The following CHODL variants were observed in gnomAD, a reference collection of about 807,000 sequenced individuals.
CHODL encodes transmembrane protein MT75.
A neutral mutation model predicts 34.5 loss-of-function variants in CHODL; 29 were observed. That is an observed-to-expected ratio of 0.84 (90% confidence interval 0.63 to 1.15). The LOEUF (loss-of-function observed/expected upper bound fraction) is 1.15, where lower values mean the gene tolerates loss of function less well. Among genes scored for constraint, CHODL ranks in the 50% most tolerant of loss-of-function variants. CHODL has a pLI of 0.00. For synonymous variants in CHODL, 125 were observed against 116.1 expected, an observed-to-expected ratio of 1.08 and a Z score of -0.49; for missense variants, 332 against 332.5, an observed-to-expected ratio of 1.00 and a Z score of 0.01.
At position 17,920,655 on chromosome 21, in the gene CHODL, C is replaced by T. The variant is rs115555782; in HGVS notation, c.-145+3255C>T. ...AGAAAATACATTTACATTTTTGAGACGGTGCTTGGCAGATAGCACATGCTC... is the reference window on the plus strand; with the variant it reads ...AGAAAATACATTTACATTTTTGAGATGGTGCTTGGCAGATAGCACATGCTC... On this transcript the variant is annotated intron_variant, in intron 1 of 6. Transcript: ENST00000400127. Among the ~76,000 whole-genome samples the T allele has an allele frequency of 8.1e-3, 1,229 of 152,244 alleles. 19 individuals carry two copies. The highest frequency in any genetic ancestry group is 0.027 in the African/African-American group (1,126 of 41,546).
At chr21:18,057,998 G>T (rs948768602) in intron 2 of CHODL, among the ~76,000 whole-genome samples, 1 of 151,856 alleles carries the variant, frequency 6.6e-6, no homozygotes, top group African/African-American at 2.4e-5. Flanking sequence ...CTCTTGTCTA[G>T]CTATTTGGAA....
intron 2 of CHODL, among the ~76,000 whole-genome samples, chr21:18,207,516 T>G (rs1241624344): frequency 1.3e-5 from 2 of 152,160 alleles, no homozygotes; most frequent in Non-Finnish European, 2.9e-5. Context: ...TGCTATAATA[T>G]TCTGTGTTTT....
intron 1 of CHODL, among the ~76,000 whole-genome samples, chr21:17,985,555 T>G (rs1251810795): frequency 6.6e-6 from 1 of 152,212 alleles, no homozygotes; most frequent in African/African-American, 2.4e-5. Flanking sequence ...ACTTTTCAAT[T>G]AGTTCCTGAG....
chr21:17,938,042 T>G (rs967717097), intron 1 of CHODL, among the ~76,000 whole-genome samples: 12 of 152,246 alleles, frequency 7.9e-5, no homozygotes, highest in Non-Finnish European at 1.5e-4. Context: ...CCCACATACT[T>G]TTCATTAAAT....
At chr21:17,967,900 G>T (rs1237690774) in intron 1 of CHODL, among the ~76,000 whole-genome samples, 2 of 152,120 alleles carry the variant, frequency 1.3e-5, no homozygotes, top group African/African-American at 4.8e-5. Flanking sequence ...TGCCTACCTT[G>T]TTGGTTGATA....
rs2146836193 is a variant in CHODL at position 18,266,108 on chromosome 21, C to T, written c.*70C>T. ...ATAAGGAATGGCATCAGAACAATAGCTTGGAATGGCTTGAAATCACAAAGG... is the reference window on the plus strand; with the variant it reads ...ATAAGGAATGGCATCAGAACAATAGTTTGGAATGGCTTGAAATCACAAAGG... On this transcript the variant is annotated 3_prime_UTR_variant, in exon 6 of 6. Transcript: ENST00000299295. 6.2e-7 allele frequency: 1 copy of T among 1,611,470 alleles called. No homozygotes were observed. Among genetic ancestry groups the T allele is most frequent in the East Asian group, 2.2e-5 (1 of 44,784 alleles).
At chr21:18,185,225 A>G (rs1411663784) in intron 2 of CHODL, among the ~76,000 whole-genome samples, 2 of 151,722 alleles carry the variant, frequency 1.3e-5, no homozygotes, top group Non-Finnish European at 2.9e-5. Context: ...CCCTGTGTCT[A>G]TGTGTTCTCA....
chr21:18,239,278 A>G (rs981416467), intron 2 of CHODL, among the ~76,000 whole-genome samples: 11 of 152,116 alleles, frequency 7.2e-5, no homozygotes, highest in African/African-American at 2.4e-4. Context: ...CTGACAGAGT[A>G]TTCCTTATTA....
chr21:17,955,850 C>T lies in CHODL; in HGVS notation c.-145+38450C>T, dbSNP rs2063490695. On this transcript the variant is annotated intron_variant, in intron 1 of 6. Coordinates refer to the CHODL transcript ENST00000400127. ...ATTCTGTGGTTAGATGTCTTCAATC[C>T]TTTATTTGTCAATAATTTGTGAGGC... Among the ~76,000 whole-genome samples, 2 of 136,708 alleles carry T rather than the reference C, an allele frequency of 1.5e-5. 1 individual carries two copies. The allele number at this position is 136,708 out of a possible 152,430, so 89.7% of individuals were successfully genotyped here. A position where few individuals can be genotyped will look rare whatever the true frequency, so the allele number is the denominator to read the frequency against.
At chr21:17,958,108 G>C (rs1371194450) in intron 1 of CHODL, among the ~76,000 whole-genome samples, 1 of 151,890 alleles carries the variant, frequency 6.6e-6, no homozygotes, top group East Asian at 1.9e-4. Flanking sequence ...TTCTAATTTA[G>C]GCACATTTCC....
At chr21:18,098,400 A>G (rs962106045) in intron 2 of CHODL, among the ~76,000 whole-genome samples, 3 of 152,108 alleles carry the variant, frequency 2.0e-5, no homozygotes, top group Non-Finnish European at 4.4e-5. Flanking sequence ...TGGGCAAAAG[A>G]GTTAAATAGA....
At chr21:17,943,867 C>T (rs1385337764) in intron 1 of CHODL, among the ~76,000 whole-genome samples, 1 of 152,204 alleles carries the variant, frequency 6.6e-6, no homozygotes, top group African/African-American at 2.4e-5. Context: ...TCTGATCTCA[C>T]TCCATGGGGA....
chr21:17,961,260 A>T (rs1034593312), intron 1 of CHODL, among the ~76,000 whole-genome samples: 2 of 152,182 alleles, frequency 1.3e-5, no homozygotes, highest in Non-Finnish European at 2.9e-5. Flanking sequence ...TAAGCTCATG[A>T]CCATTGAAGT....
chr21:18,055,712 T>C (rs1033379120), intron 2 of CHODL, among the ~76,000 whole-genome samples: 3 of 152,012 alleles, frequency 2.0e-5, no homozygotes, highest in African/African-American at 7.2e-5. Context: ...ATTTCTGGTG[T>C]CATACCTGAA....
At chr21:17,920,180 C>T (rs530394169) in intron 1 of CHODL, among the ~76,000 whole-genome samples, 60 of 152,318 alleles carry the variant, frequency 3.9e-4, no homozygotes, top group Middle Eastern at 3.4e-3. Context: ...TCCACATTTT[C>T]GGGTATCTTT....
intron 1 of CHODL, among the ~76,000 whole-genome samples, chr21:18,001,651 CCTAGGTAAGGAAGAGAGAGAAT>C (rs2063907308): frequency 6.6e-6 from 1 of 151,856 alleles, no homozygotes; most frequent in South Asian, 2.1e-4. Context: ...TTTTAAAAAG[CCTAGGTAAGGAAGAGAGAGAAT>C]TCATGCATAT....
upstream of CHODL, among the ~76,000 whole-genome samples, chr21:18,243,842 A>G (rs912144625): frequency 7.9e-5 from 12 of 152,222 alleles, no homozygotes; most frequent in Admixed American, 2.0e-4. Context: ...TTATGAAACC[A>G]AAGACAGGAG....
At chr21:18,040,353 G>T (rs2064360618) in intron 2 of CHODL, among the ~76,000 whole-genome samples, 1 of 151,734 alleles carries the variant, frequency 6.6e-6, no homozygotes, top group South Asian at 2.1e-4. Flanking sequence ...TTAAGTAAAG[G>T]TCTGCATTAC....
At chr21:18,215,309 T>G (rs2146729330) in intron 2 of CHODL, among the ~76,000 whole-genome samples, 1 of 152,250 alleles carries the variant, frequency 6.6e-6, no homozygotes, top group Middle Eastern at 3.4e-3. Flanking sequence ...ACCTACAAAC[T>G]TCCACCTCAG....
Sources: allele counts gnomAD v4.1 joint callset (sites outside exome capture counted in the v4.1 genomes callset), GRCh38; gene constraint gnomAD v4.1.1; transcripts MANE v1.5; gene names NCBI Gene and HGNC (gene_info 2026-07-23, HGNC 2026-07-21).